The following ESRRB variants were observed in gnomAD, a reference collection of about 807,000 sequenced individuals.
ESRRB encodes the protein estrogen related receptor beta, also known as steroid hormone receptor ERR2.
Under a neutral mutation model 46.0 loss-of-function variants are expected in ESRRB, and 16 were observed. The ratio of observed to expected loss-of-function variants is 0.35; its 90% CI spans 0.24 to 0.53. The LOEUF (loss-of-function observed/expected upper bound fraction) is 0.53. Ranked by LOEUF, ESRRB falls within the 20% of genes least tolerant of loss-of-function variation. The probability of loss-of-function intolerance (pLI) is 0.93; values close to 1 mark genes in which losing one functional copy is unlikely to be tolerated. For synonymous variants in ESRRB, 246 were observed against 259.6 expected (o/e 0.95, Z 0.50); for missense variants, 488 against 607.4 (o/e 0.80, Z 2.07).
At chr14:76,314,483 G>C (rs187303403) in intron 1 of ESRRB, among the ~76,000 whole-genome samples, 1 of 152,264 alleles carries the variant, frequency 6.6e-6, no homozygotes, top group Admixed American at 6.5e-5. Flanking sequence ...GTCTGGTGGG[G>C]CCAGAGAAAT....
chr14:76,331,245 C>T (rs983339877), intron 1 of ESRRB, among the ~76,000 whole-genome samples: 11 of 152,188 alleles, frequency 7.2e-5, no homozygotes, highest in African/African-American at 2.7e-4. Context: ...TGGGCATTTC[C>T]CTGGCCTGAG....
intron 6 of ESRRB, among the ~76,000 whole-genome samples, chr14:76,494,583 G>A (rs545777670): frequency 1.3e-5 from 2 of 152,240 alleles, no homozygotes; most frequent in South Asian, 2.1e-4. Context: ...CTGGGATTGC[G>A]GGCGTGAGTC....
upstream of ESRRB, among the ~76,000 whole-genome samples, chr14:76,374,475 C>T (rs1884697807): frequency 6.6e-6 from 1 of 152,162 alleles, no homozygotes; most frequent in Admixed American, 6.5e-5. Flanking sequence ...TCATAGGATG[C>T]CTTCCTTGGA....
At chr14:76,456,002 C>T (rs370070698) in intron 2 of ESRRB, among the ~76,000 whole-genome samples, 38 of 151,082 alleles carry the variant, frequency 2.5e-4, no homozygotes, top group African/African-American at 9.0e-4. Context: ...AAGATCACAC[C>T]ACTGCACTCC....
At chr14:76,471,077 C>T (rs1174689373) in intron 3 of ESRRB, among the ~76,000 whole-genome samples, 1 of 152,174 alleles carries the variant, frequency 6.6e-6, no homozygotes, top group Non-Finnish European at 1.5e-5. Context: ...TGAACCATTC[C>T]TCCTTCTATT....
intron 1 of ESRRB, among the ~76,000 whole-genome samples, chr14:76,321,049 A>AT (rs1351652074): frequency 1.3e-5 from 2 of 151,966 alleles, no homozygotes; most frequent in African/African-American, 4.8e-5. Flanking sequence ...ATTTTTTCTT[A>AT]TTTTTTACTA....
chr14:76,478,395 T>G (rs1380392823), intron 3 of ESRRB, among the ~76,000 whole-genome samples: 3 of 151,980 alleles, frequency 2.0e-5, no homozygotes, highest in Non-Finnish European at 4.4e-5. Context: ...TCGGCAGAGG[T>G]GGCAGCTGCC....
At chr14:76,382,636 T>A (rs1232171623) in intron 1 of ESRRB, among the ~76,000 whole-genome samples, 2 of 152,212 alleles carry the variant, frequency 1.3e-5, no homozygotes, top group African/African-American at 2.4e-5. Flanking sequence ...TACTGGTTAA[T>A]CAGCCCATGG....
chr14:76,460,851 AC>A (rs1315492382), intron 2 of ESRRB, among the ~76,000 whole-genome samples: 4 of 150,466 alleles, frequency 2.7e-5, no homozygotes, highest in Non-Finnish European at 5.9e-5. Context: ...ATAGGTGCCC[AC>A]CCCTATGCCC....
upstream of ESRRB, among the ~76,000 whole-genome samples, chr14:76,372,381 C>A (rs1479182973): frequency 1.8e-4 from 1 of 5,450 alleles, no homozygotes; most frequent in Middle Eastern, 0.071. Flanking sequence ...TCCTTTTTCC[C>A]TCCCAGGAAA....
At chr14:76,361,167 T>C (rs962187766) in intron 1 of ESRRB, among the ~76,000 whole-genome samples, 6 of 152,196 alleles carry the variant, frequency 3.9e-5, no homozygotes, top group Admixed American at 3.9e-4. Context: ...CCATCCTACA[T>C]TGGAGATGGT....
At chr14:76,354,343 T>G (rs1884352982) in intron 1 of ESRRB, among the ~76,000 whole-genome samples, 1 of 151,786 alleles carries the variant, frequency 6.6e-6, no homozygotes, top group Admixed American at 6.6e-5. Context: ...TTTCTGTTCA[T>G]ATTTGCTCTC....
In ESRRB at chr14:76,499,515, G is replaced by A. The variant is rs1890578559; in HGVS notation, c.*1057G>A. On this transcript the variant is annotated 3_prime_UTR_variant, in exon 7 of 7. Transcript: ENST00000644823. ...CCAAAGGGAGGGAACTCAGCGGGGT[G>A]GCCTGCCTCATCCTTCCTGGCTTCC... 4.9e-6 allele frequency: 2 copies of A among 404,914 alleles called. No homozygotes were observed. The highest frequency in any genetic ancestry group is 4.1e-5 in the African/African-American group (2 of 48,850). 25.1% of individuals were successfully genotyped at this position (404,914 alleles called of 1,614,324 possible). A position where few individuals can be genotyped will look rare whatever the true frequency, so the allele number is the denominator to read the frequency against.
chr14:76,339,952 A>T (rs906952853), intron 1 of ESRRB, among the ~76,000 whole-genome samples: 1 of 152,168 alleles, frequency 6.6e-6, no homozygotes, highest in African/African-American at 2.4e-5. Flanking sequence ...GGACACATCC[A>T]TCCGGGTGGG....
chr14:76,440,147 G>A lies in ESRRB; in HGVS notation c.460+397G>A, dbSNP rs956547290. 7.9e-5 allele frequency among the ~76,000 whole-genome samples: 12 copies of A among 152,058 alleles called. 1 individual carries two copies. In the South Asian group the frequency reaches 8.3e-4, roughly 11 times the overall value. On this transcript the variant is annotated intron_variant, in intron 2 of 6. Transcript: ENST00000644823. ...TCCAGACTTACGGGACATAGAAAGC[G>A]TCCCTCACCTTGTTTTTGTCTTACT...
chr14:76,442,648 A>G (rs957085152), intron 2 of ESRRB, among the ~76,000 whole-genome samples: 128 of 152,104 alleles, frequency 8.4e-4, no homozygotes, highest in African/African-American at 3.0e-3. Flanking sequence ...AACTTTAACA[A>G]TGTGATTTAA....
chr14:76,438,908 C>T (rs1322775472), intron 1 of ESRRB, among the ~76,000 whole-genome samples: 4 of 152,050 alleles, frequency 2.6e-5, no homozygotes, highest in Non-Finnish European at 5.9e-5. Context: ...TCAAGCAATC[C>T]TCCCTCCTCA....
intron 3 of ESRRB, among the ~76,000 whole-genome samples, chr14:76,469,101 T>C (rs965452460): frequency 1.3e-5 from 2 of 151,414 alleles, no homozygotes; most frequent in African/African-American, 2.4e-5. Context: ...CCTTTATTTA[T>C]TTTTTTTTCT....
At position 76,376,712 on chromosome 14, in the gene ESRRB, C is replaced by G. The variant is rs998112621; in HGVS notation, c.50+261C>G. On this transcript the variant is annotated intron_variant, in intron 1 of 6. Transcript: ENST00000644823. This position sits in a 1 kb window ranked among gnomAD's most constrained non-coding sequence, Gnocchi z 4.1. ...GTGGCGCTTTCTCATGCACTTTCTC[C>G]CTTTCTCTCTCCTCTCTGATCTTGC... Among the ~76,000 whole-genome samples, 3 of 152,174 alleles carry G rather than the reference C, an allele frequency of 2.0e-5. No homozygotes were observed. Among genetic ancestry groups the G allele is most frequent in the Admixed American group, 1.3e-4 (2 of 15,288 alleles).
Sources: gnomAD v4.1 joint callset for allele counts (sites outside exome capture counted in the v4.1 genomes callset) on GRCh38, gnomAD v4.1.1 for gene constraint, Gnocchi (gnomAD v3.1) non-coding constraint, MANE v1.5 for transcripts, NCBI Gene and HGNC (gene_info 2026-07-23, HGNC 2026-07-21) for gene names.